TTC3: variants seen among roughly 807,000 people sequenced by gnomAD.
TTC3 encodes the protein tetratricopeptide repeat domain 3, also known as E3 ubiquitin-protein ligase TTC3.
A neutral mutation model predicts 249.6 loss-of-function variants in TTC3; 180 were observed. The ratio of observed to expected loss-of-function variants is 0.72; its 90% CI spans 0.64 to 0.82. The LOEUF (loss-of-function observed/expected upper bound fraction) is 0.82, where lower values mean the gene tolerates loss of function less well. Ranked by LOEUF, TTC3 falls within the 40% of genes least tolerant of loss-of-function variation. The pLI is 0.00. For synonymous variants in TTC3, 717 were observed against 805.0 expected (o/e 0.89, Z 1.85); for missense variants, 2,061 against 2,398.4 (o/e 0.86, Z 2.94).
chr21:37,093,806 CA>C (rs2073606172), intron 7 of TTC3, among the ~76,000 whole-genome samples, 198 bp from the exon 8 acceptor site: 1 of 152,014 alleles, frequency 6.6e-6, no homozygotes, highest in African/African-American at 2.4e-5. Context: ...ATGTTTTCTG[CA>C]ACATTTTATC....
intron 11 of TTC3, among the ~76,000 whole-genome samples, chr21:37,110,345 A>T (rs2075540975): frequency 6.6e-6 from 1 of 152,244 alleles, no homozygotes; most frequent in African/African-American, 2.4e-5. Context: ...AGAATAACCA[A>T]TGCAGAGAAG....
At chr21:37,145,372 A>G (rs926639632) in intron 21 of TTC3, among the ~76,000 whole-genome samples, 2 of 152,254 alleles carry the variant, frequency 1.3e-5, no homozygotes, top group African/African-American at 4.8e-5. Flanking sequence ...AATGGCCAAA[A>G]TTAGCACATG....
chr21:37,202,814 C>T (rs572220477), exon 46 of TTC3: 5 of 152,300 alleles, frequency 3.3e-5, no homozygotes, highest in African/African-American at 1.2e-4. Context: ...GGTCACCTTC[C>T]TCTGCCTTTG....
At chr21:37,092,379 C>T (rs1411650561) in intron 7 of TTC3, among the ~76,000 whole-genome samples, 28 of 152,192 alleles carry the variant, frequency 1.8e-4, no homozygotes, top group Admixed American at 1.8e-3. Context: ...TTGTTCTCTT[C>T]ATTGTTTTGG....
At chr21:37,074,011 G>T (rs1601153593) in intron 1 of TTC3, among the ~76,000 whole-genome samples, 1 of 152,170 alleles carries the variant, frequency 6.6e-6, no homozygotes, top group South Asian at 2.1e-4. Context: ...TAATTCTGTC[G>T]AGTGGGTATC....
intron 1 of TTC3, chr21:37,084,095 A>G (rs2072071497): frequency 6.6e-6 from 1 of 152,236 alleles, no homozygotes; most frequent in South Asian, 2.1e-4. Flanking sequence ...AGCTATGCAA[A>G]CGATGCAAGT....
intron 16 of TTC3, among the ~76,000 whole-genome samples, chr21:37,130,496 A>G (rs1291160946): frequency 2.0e-5 from 3 of 152,156 alleles, no homozygotes; most frequent in Non-Finnish European, 4.4e-5. Context: ...ATTAAATGGG[A>G]TAACCACGTA....
intron 1 of TTC3, among the ~76,000 whole-genome samples, chr21:37,079,517 GTTT>G (rs60361476): frequency 1.9e-3 from 175 of 90,748 alleles, no homozygotes; most frequent in African/African-American, 7.0e-3. Context: ...TTATGGTATG[GTTT>G]TTTTTTTTTT....
At chr21:37,191,187 G>A (rs902536208) in intron 39 of TTC3, 147 bp from the exon 40 acceptor site, 4 of 500,726 alleles carry the variant, frequency 8.0e-6, no homozygotes, top group African/African-American at 6.1e-5. Context: ...AAGTTTACAA[G>A]ATAAGCAATT....
rs1035217177 is a variant in TTC3, at chr21:37,162,041, A to G, written c.3148A>G (p.Ile1050Val). ...TTCAGTAACTTCAAATAATGAGATC[A>G]TCACTTCAAGTGAAGACCATAGGTA... Residue 1050 changes from isoleucine to valine, a missense_variant, in exon 31 of 46, where the codon ATC (isoleucine) becomes GTC (valine). Coordinates refer to ENST00000355666, the Ensembl canonical transcript of TTC3. The G allele has an allele frequency of 5.0e-6, 8 of 1,586,888 alleles. No individual in the cohort carries two copies. The Admixed American group carries it at 1.2e-4, about 23-fold the overall frequency.
chr21:37,199,620 T>C (rs2085291722), intron 44 of TTC3, among the ~76,000 whole-genome samples: 1 of 152,204 alleles, frequency 6.6e-6, no homozygotes, highest in African/African-American at 2.4e-5. Context: ...TCCATGCTCA[T>C]AGAAACTAGA....
intron 11 of TTC3, among the ~76,000 whole-genome samples, chr21:37,114,089 A>G (rs1367048512): frequency 2.6e-5 from 4 of 152,228 alleles, no homozygotes; most frequent in Non-Finnish European, 5.9e-5. Flanking sequence ...AAAACCCTAG[A>G]AGAAAACCTA....
chr21:37,195,783 G>A (rs1569197866), exon 42 of TTC3: 1 of 1,614,220 alleles, frequency 6.2e-7, no homozygotes, highest in Non-Finnish European at 8.5e-7. Flanking sequence ...GGATCCTAGT[G>A]TGTTCTCTGC....
At chr21:37,118,581 A>C (rs1448948523) in intron 11 of TTC3, among the ~76,000 whole-genome samples, 1 of 152,202 alleles carries the variant, frequency 6.6e-6, no homozygotes, top group Non-Finnish European at 1.5e-5. Flanking sequence ...AATGACAGAA[A>C]CTGAACTCAG....
At chr21:37,180,319 CCTCT>C (rs1458535438) in intron 35 of TTC3, among the ~76,000 whole-genome samples, 1 of 151,800 alleles carries the variant, frequency 6.6e-6, no homozygotes, top group Non-Finnish European at 1.5e-5. Flanking sequence ...TATTGTCATT[CCTCT>C]CTCTCTATTC....
intron 42 of TTC3, 113 bp from the exon 43 acceptor site, chr21:37,197,457 T>A: frequency 3.9e-6 from 5 of 1,286,364 alleles, no homozygotes; most frequent in Non-Finnish European, 5.6e-6. Flanking sequence ...ATTAATTTTA[T>A]GTGCATTTGT....
At chr21:37,082,426 G>T (rs561890969) in intron 1 of TTC3, 1 of 907,848 alleles carries the variant, frequency 1.1e-6, no homozygotes, top group Non-Finnish European at 1.3e-6. Context: ...TTTGATCTTT[G>T]TGGTGATCTT....
chr21:37,096,857 A>G (rs2073995575), intron 10 of TTC3: 1 of 420,358 alleles, frequency 2.4e-6, no homozygotes, highest in Non-Finnish European at 4.2e-6. Context: ...GTTAAGCATT[A>G]TTTTAAGTGC....
chr21:37,073,436 G>C lies in TTC3; in HGVS notation c.-12+72G>C. 4.1e-6 allele frequency: 4 copies of C among 986,754 alleles called. No homozygotes were observed. In the South Asian group the frequency reaches 1.8e-4, roughly 45 times the overall value. 61.1% of individuals were successfully genotyped at this position (986,754 alleles called of 1,614,324 possible). A position where few individuals can be genotyped will look rare whatever the true frequency, so the allele number is the denominator to read the frequency against. On this transcript the variant is annotated intron_variant, in intron 1 of 45. Transcript: ENST00000355666. ...TGTCCCGCTGCAGCCGAGATGCCGG[G>C]GGAGCGGGGCCTTCCACACCCCCTC...
Sources: allele counts gnomAD v4.1 joint callset (sites outside exome capture counted in the v4.1 genomes callset), GRCh38; gene constraint gnomAD v4.1.1; transcripts MANE v1.5; gene names NCBI Gene and HGNC (gene_info 2026-07-23, HGNC 2026-07-21).